Variants in ABCC1 observed in about 807,000 individuals in gnomAD.
The protein encoded by ABCC1 is multidrug resistance-associated protein 1.
A neutral mutation model predicts 172.9 loss-of-function variants in ABCC1; 83 were observed. The observed-to-expected ratio is 0.48, with a 90% CI of 0.40 to 0.58. The LOEUF (loss-of-function observed/expected upper bound fraction) is 0.58. ABCC1 is among the 20% of genes least tolerant of loss of function. The pLI is 0.00. For synonymous variants in ABCC1, 937 were observed against 825.2 expected (o/e 1.14, Z -2.32); for missense variants, 1,817 against 2,002.7 (o/e 0.91, Z 1.77).
At chr16:15,982,600 T>C (rs1369465434) in intron 1 of ABCC1, among the ~76,000 whole-genome samples, 12 of 146,516 alleles carry the variant, frequency 8.2e-5, no homozygotes, top group Admixed American at 2.1e-4. Context: ...CAGTTCAAAA[T>C]GAGATTTGGG....
At chr16:15,952,721 A>T (rs1311661429) in intron 1 of ABCC1, among the ~76,000 whole-genome samples, 2 of 33,334 alleles carry the variant, frequency 6.0e-5, no homozygotes, top group Admixed American at 7.0e-4. Context: ...TTCATTAAAA[A>T]AAAAAAAAAA....
chr16:16,109,523 A>G (rs1411636724), intron 21 of ABCC1, among the ~76,000 whole-genome samples: 2 of 152,202 alleles, frequency 1.3e-5, no homozygotes, highest in East Asian at 3.8e-4. Context: ...GCTTGAAATG[A>G]CAATGAGCAC....
At chr16:16,040,726 A>G (rs1251526366) in intron 7 of ABCC1, among the ~76,000 whole-genome samples, 2 of 151,456 alleles carry the variant, frequency 1.3e-5, no homozygotes, top group Non-Finnish European at 2.9e-5. Flanking sequence ...GGCTTCAAGC[A>G]GTCCTCCTGC....
In ABCC1 at chr16:15,970,760, A is replaced by G. The variant is rs74011341; in HGVS notation, c.48+20961A>G. Among the ~76,000 whole-genome samples the G allele has an allele frequency of 8.9e-3, 1,350 of 152,306 alleles. 31 individuals carry two copies. The highest frequency in any genetic ancestry group is 0.031 in the African/African-American group (1,293 of 41,558). ...AACACAATTATTTCTTTAAAATTATATATATATTTTAATTTGTACAGATGA... is the reference window on the plus strand; with the variant it reads ...AACACAATTATTTCTTTAAAATTATGTATATATTTTAATTTGTACAGATGA... On this transcript the variant is annotated intron_variant, in intron 1 of 30. Transcript: ENST00000399410.
At chr16:16,039,208 T>TG (rs776897320) in intron 7 of ABCC1, among the ~76,000 whole-genome samples, 56 of 132,400 alleles carry the variant, frequency 4.2e-4, no homozygotes, top group Non-Finnish European at 6.6e-4. Context: ...CGAGGAAGCT[T>TG]TTGTGTGTGT....
Position 16,090,393 on chromosome 16 carries a change from C to T in ABCC1, c.2461-12C>T, listed in dbSNP as rs2152019347. ...GTGCACTCACGTGGCCGGGTGTCCC[C>T]TTTGCCCACAGACGCGGATCTTGGT... On this transcript the variant is annotated splice_polypyrimidine_tract_variant and intron_variant, in intron 18 of 30. Coordinates refer to ENST00000399410, the MANE Select transcript of ABCC1 (RefSeq NM_004996.4). The T allele has an allele frequency of 6.3e-7, 1 of 1,575,776 alleles. No homozygotes were observed. The highest frequency in any genetic ancestry group is 1.3e-5 in the African/African-American group (1 of 74,406).
chr16:15,974,995 C>G (rs1432538551), intron 1 of ABCC1, among the ~76,000 whole-genome samples: 1 of 152,074 alleles, frequency 6.6e-6, no homozygotes, highest in African/African-American at 2.4e-5. Context: ...CCATGTTGGC[C>G]AGGTTGGTCT....
chr16:16,002,169 A>G (rs2047338578), intron 1 of ABCC1, among the ~76,000 whole-genome samples: 1 of 152,252 alleles, frequency 6.6e-6, no homozygotes, highest in Non-Finnish European at 1.5e-5. Context: ...AAGCAGCCGT[A>G]ACAAAGAGTG....
At chr16:16,004,394 G>C (rs934008041) in intron 1 of ABCC1, among the ~76,000 whole-genome samples, 4 of 152,132 alleles carry the variant, frequency 2.6e-5, no homozygotes, top group Non-Finnish European at 1.5e-5. Context: ...ACTGGCAACT[G>C]CTCAGAAGCT....
At chr16:16,070,353 G>C (rs1249118903) in intron 13 of ABCC1, among the ~76,000 whole-genome samples, 1 of 151,092 alleles carries the variant, frequency 6.6e-6, no homozygotes, top group African/African-American at 2.4e-5. Flanking sequence ...GGGCAACAGA[G>C]CAAGACTCTG....
chr16:16,009,700 G>A (rs911736018), intron 2 of ABCC1, 76 bp from the exon 3 acceptor site: 2 of 1,445,546 alleles, frequency 1.4e-6, no homozygotes, highest in Non-Finnish European at 1.8e-6. Flanking sequence ...TATCCCTGGG[G>A]CTGAGCTGTT....
In ABCC1 at chr16:16,121,982, A is replaced by T; in HGVS notation, c.3398A>T (p.Tyr1133Phe). ...GTCTGTTCTCTACCCCAGAGGTTCTACGTGGCTTCCTCCCGGCAGCTGAAG... is the reference window on the plus strand; with the variant it reads ...GTCTGTTCTCTACCCCAGAGGTTCTTCGTGGCTTCCTCCCGGCAGCTGAAG... ...GLIYFFVQRF[Y>F]VASSRQLKRL... is the part of the protein sequence containing the mutation. Residue 1133 changes from tyrosine (Y) to phenylalanine (F), a missense_variant, in exon 24 of 31, where the codon TAC becomes TTC. Transcript: ENST00000399410. The T allele has an allele frequency of 6.2e-7, 1 of 1,614,144 alleles. No homozygotes were observed. The highest frequency in any genetic ancestry group is 8.5e-7 in the Non-Finnish European group (1 of 1,180,018).
chr16:16,115,018 C>G lies in ABCC1; in HGVS notation c.3332C>G (p.Ala1111Gly). ...VIGACIVILLATPIAAIIIPP... is the reference protein window; with the variant it reads ...VIGACIVILLGTPIAAIIIPP... ...GGTGCCTGCATCGTTATCCTGCTGG[C>G]CACGCCCATCGCCGCCATCATCATC... The change falls in exon 23 of 31, where the codon GCC (alanine) becomes GGC (glycine). Residue 1111 changes from alanine (A) to glycine (G), a missense_variant. By Grantham distance (60) the Ala-to-Gly change is moderately conservative. Coordinates refer to ENST00000399410, the MANE Select transcript of ABCC1 (RefSeq NM_004996.4). The G allele has an allele frequency of 6.2e-7, 1 of 1,614,202 alleles. No individual in the cohort carries two copies.
At chr16:15,968,178 C>G (rs2046289707) in intron 1 of ABCC1, among the ~76,000 whole-genome samples, 3 of 151,950 alleles carry the variant, frequency 2.0e-5, no homozygotes, top group African/African-American at 7.2e-5. Context: ...TAGGTGTGTA[C>G]CATGCACCAC....
At chr16:16,125,724 C>T (rs1216574454) in intron 25 of ABCC1, 86 bp from the exon 26 acceptor site, 4 of 809,536 alleles carry the variant, frequency 4.9e-6, no homozygotes, top group Admixed American at 3.0e-5. Context: ...TAATTTGTTT[C>T]CTATTATCTC....
chr16:16,006,704 C>A (rs928142378), intron 1 of ABCC1, among the ~76,000 whole-genome samples: 2 of 152,068 alleles, frequency 1.3e-5, no homozygotes, highest in South Asian at 4.1e-4. Context: ...ATACTGGACA[C>A]AGTATTTAAC....
rs2045684085 is a variant in ABCC1 at position 16,131,787 on chromosome 16, A to G, written c.3820-2A>G. 1 of 1,612,806 alleles carries G rather than the reference A, an allele frequency of 6.2e-7. No homozygotes were observed. The highest frequency in any genetic ancestry group is 1.7e-5 in the Admixed American group (1 of 59,590). On this transcript the variant is annotated splice_acceptor_variant, in intron 26 of 30. Coordinates refer to ENST00000399410, the MANE Select transcript of ABCC1 (RefSeq NM_004996.4). LOFTEE classifies it high-confidence loss of function. ...TACTCTCTCCCTTCACTGCGATCGAAGGCGCCCTGGCAAATCCAGGAGACA... is the reference window on the plus strand; with the variant it reads ...TACTCTCTCCCTTCACTGCGATCGAGGGCGCCCTGGCAAATCCAGGAGACA...
rs1459731148 is a variant in ABCC1, at chr16:16,009,844, G to A, written c.294G>A (p.Arg98=). 6.2e-6 allele frequency: 10 copies of A among 1,611,704 alleles called. No homozygotes were observed. The highest frequency in any genetic ancestry group is 1.1e-5 in the South Asian group (1 of 90,496). Residue 98 remains arginine, a synonymous_variant, in exon 3 of 31, where the codon CGG becomes CGA. Coordinates refer to ENST00000399410, the MANE Select transcript of ABCC1 (RefSeq NM_004996.4). ...TCTACTCTTTCTGGGAAAGAAGTCG[G>A]GGCATATTCCTGGCCCCAGTGTTTC... The part of the protein sequence containing the change: ...DLFYSFWERS[R]GIFLAPVFLV...
intron 23 of ABCC1, among the ~76,000 whole-genome samples, chr16:16,121,013 C>G (rs1233447004): frequency 6.6e-6 from 1 of 152,170 alleles, no homozygotes; most frequent in African/African-American, 2.4e-5. Flanking sequence ...TATTTCTTAT[C>G]TACAGAAACA....
Sources: gnomAD v4.1 joint callset for allele counts (sites outside exome capture counted in the v4.1 genomes callset) on GRCh38, gnomAD v4.1.1 for gene constraint, MANE v1.5 for transcripts, NCBI Gene and HGNC (gene_info 2026-07-23, HGNC 2026-07-21) for gene names.